Variants in LOC112694756 observed in about 807,000 individuals in gnomAD.
the LOC112694756 span, chr16:30,067,020 CCAGA>C: frequency 1.9e-6 from 3 of 1,574,926 alleles, no homozygotes; most frequent in Non-Finnish European, 2.6e-6. Context: ...ACACCCAGCA[CCAGA>C]CAGAGTTAGG....
At chr16:30,068,913 C>T in the LOC112694756 span, 2 of 1,614,238 alleles carry the variant, frequency 1.2e-6, no homozygotes, top group Non-Finnish European at 1.7e-6. Flanking sequence ...GGAACACACC[C>T]CCTCAGCCCT....
the LOC112694756 span, chr16:30,065,569 G>A: frequency 6.6e-6 from 1 of 152,364 alleles, no homozygotes; most frequent in African/African-American, 2.4e-5. Context: ...AGTCACGTCC[G>A]AGGGGGGTGG....
the LOC112694756 span, among the ~76,000 whole-genome samples, chr16:30,065,108 C>G: frequency 6.6e-6 from 1 of 152,206 alleles, no homozygotes; most frequent in Non-Finnish European, 1.5e-5. Flanking sequence ...CATGCGCGAC[C>G]CAGCCCGGCC....
At chr16:30,066,618 C>T in the LOC112694756 span, among the ~76,000 whole-genome samples, 1 of 152,218 alleles carries the variant, frequency 6.6e-6, no homozygotes, top group Non-Finnish European at 1.5e-5. Flanking sequence ...CACCCGCCCC[C>T]TCCCTTGTGG....
At chr16:30,056,190 A>G in the LOC112694756 span, among the ~76,000 whole-genome samples, 317 of 139,834 alleles carry the variant, frequency 2.3e-3, 1 homozygote, top group Admixed American at 0.011. Context: ...GCTCACTGCA[A>G]TGTCCACCTC....
the LOC112694756 span, among the ~76,000 whole-genome samples, chr16:30,061,073 A>G: frequency 2.0e-5 from 3 of 152,374 alleles, no homozygotes; most frequent in Non-Finnish European, 4.4e-5. Flanking sequence ...TCAAGGAGCC[A>G]ATCTTCTGTC....
At chr16:30,069,144 G>A in the LOC112694756 span, 1 of 1,340,248 alleles carries the variant, frequency 7.5e-7, no homozygotes, top group South Asian at 1.2e-5. Context: ...AAGGAGGGAT[G>A]GTGGGTGGAT....
the LOC112694756 span, among the ~76,000 whole-genome samples, chr16:30,061,629 G>A: frequency 1.4e-4 from 18 of 131,556 alleles, no homozygotes; most frequent in Non-Finnish European, 2.5e-4. Context: ...GGTCGATCTC[G>A]GCTTACTGCA....
the LOC112694756 span, among the ~76,000 whole-genome samples, chr16:30,065,105 G>GA: frequency 2.0e-5 from 3 of 152,178 alleles, no homozygotes; most frequent in African/African-American, 7.2e-5. Flanking sequence ...ACGCATGCGC[G>GA]ACCCAGCCCG....
the LOC112694756 span, chr16:30,055,189 G>A: frequency 4.8e-5 from 19 of 399,238 alleles, no homozygotes; most frequent in Admixed American, 6.2e-4. Context: ...GCTGCTGCGC[G>A]GACGGTAGCT....
the LOC112694756 span, among the ~76,000 whole-genome samples, chr16:30,056,790 G>A: frequency 6.6e-6 from 1 of 152,050 alleles, no homozygotes; most frequent in Non-Finnish European, 1.5e-5. Context: ...TCACACAGAT[G>A]GGGTTTCATG....
chr16:30,069,591 T>C, the LOC112694756 span: 2 of 1,614,110 alleles, frequency 1.2e-6, no homozygotes, highest in South Asian at 2.2e-5. Flanking sequence ...CAGGCCATGC[T>C]TGCACTCAGA....
the LOC112694756 span, chr16:30,054,779 T>G: frequency 2.5e-6 from 1 of 399,154 alleles, no homozygotes. Context: ...CCTGTACTCG[T>G]CCAGGCCTCC....
chr16:30,057,791 C>T, the LOC112694756 span, among the ~76,000 whole-genome samples: 11 of 152,064 alleles, frequency 7.2e-5, no homozygotes, highest in Middle Eastern at 3.4e-3. Flanking sequence ...CCTGTCTTGG[C>T]GTGGTGGCAC....
the LOC112694756 span, chr16:30,054,812 C>G: frequency 2.5e-6 from 1 of 399,366 alleles, no homozygotes. Flanking sequence ...AATCCAACCC[C>G]GGCTCCTGTC....
chr16:30,068,499 A>G, the LOC112694756 span: 6 of 855,644 alleles, frequency 7.0e-6, no homozygotes, highest in East Asian at 1.6e-4. Context: ...GCTACCTAGG[A>G]GGCTGAGGCG....
At chr16:30,064,345 G>C in the LOC112694756 span, 1 of 398,744 alleles carries the variant, frequency 2.5e-6, no homozygotes, top group Non-Finnish European at 4.4e-6. Context: ...CAAGGGAGGA[G>C]GGAGATTAGA....
chr16:30,070,332 C>T, the LOC112694756 span: 1 of 904,614 alleles, frequency 1.1e-6, no homozygotes, highest in Admixed American at 1.9e-5. Context: ...TCCCTCGTGA[C>T]AGTGGTGTGT....
the LOC112694756 span, among the ~76,000 whole-genome samples, chr16:30,066,558 C>G: frequency 1.3e-5 from 2 of 152,228 alleles, no homozygotes; most frequent in Non-Finnish European, 2.9e-5. Context: ...GCCGCCCTTT[C>G]CTGGGCTTCT....
Sources: gnomAD v4.1 joint callset for allele counts (sites outside exome capture counted in the v4.1 genomes callset) on GRCh38, gnomAD v4.1.1 for gene constraint, MANE v1.5 for transcripts.